PREP: variants seen among roughly 807,000 people sequenced by gnomAD.
The protein encoded by PREP is prolyl endopeptidase.
PREP carries 29 observed loss-of-function variants against 87.6 expected under a neutral mutation model. That is an observed-to-expected ratio of 0.33 (90% CI 0.25 to 0.45). The LOEUF is 0.45. PREP is among the 20% of genes least tolerant of loss of function. The probability of loss-of-function intolerance (pLI) is 1.00; values close to 1 mark genes in which losing one functional copy is unlikely to be tolerated. For missense variants in PREP, 695 were observed against 886.5 expected, an observed-to-expected ratio of 0.78 and a Z score of 2.74; for synonymous variants, 337 against 328.6, an observed-to-expected ratio of 1.03 and a Z score of -0.28.
chr6:105,291,570 A>G (rs978424012), intron 10 of PREP, among the ~76,000 whole-genome samples: 1 of 152,180 alleles, frequency 6.6e-6, no homozygotes, highest in African/African-American at 2.4e-5. Context: ...CCCAGCTTAC[A>G]TCTTTCTCCC....
chr6:105,361,682 G>A (rs933774073), intron 6 of PREP, among the ~76,000 whole-genome samples: 7 of 152,116 alleles, frequency 4.6e-5, no homozygotes, highest in African/African-American at 1.7e-4. Flanking sequence ...CAGAGCAGGA[G>A]ACTTTATCAA....
chr6:105,285,905 A>T (rs1157009707), intron 11 of PREP, among the ~76,000 whole-genome samples: 1 of 152,156 alleles, frequency 6.6e-6, no homozygotes, highest in Admixed American at 6.5e-5. Context: ...CCTCCTGAGT[A>T]GCTGGAATTA....
intron 7 of PREP, among the ~76,000 whole-genome samples, chr6:105,335,766 G>A (rs1304113195): frequency 6.6e-6 from 1 of 152,030 alleles, no homozygotes; most frequent in Admixed American, 6.6e-5. Context: ...GGTGGTGGGC[G>A]CCTGTAATCC....
intron 2 of PREP, among the ~76,000 whole-genome samples, chr6:105,382,769 A>C (rs1772881370): frequency 6.6e-6 from 1 of 152,150 alleles, no homozygotes; most frequent in African/African-American, 2.4e-5. Context: ...ACCAGGAGGG[A>C]CTTCCAGGTA....
intron 5 of PREP, 30 bp from the exon 6 acceptor site, chr6:105,369,054 G>C (rs772337636): frequency 1.2e-6 from 2 of 1,606,896 alleles, no homozygotes; most frequent in South Asian, 2.2e-5. Context: ...ACACTGAAAT[G>C]TACTTGATAA....
Position 105,368,960 on chromosome 6 carries a change from T to C in PREP, c.660A>G (p.Ser220=). The C allele has an allele frequency of 1.9e-6, 3 of 1,614,082 alleles. No homozygotes were observed. The highest frequency in any genetic ancestry group is 2.5e-6 in the Non-Finnish European group (3 of 1,179,968). Residue 220 remains serine, a synonymous_variant, in exon 6 of 15, where the codon TCA becomes TCG. Transcript: ENST00000652536. ...GAAACTCAGCACACAAAATATCTTCTGACTGATCGGTTCCCAAGACATGGT... is the reference window on the plus strand; with the variant it reads ...GAAACTCAGCACACAAAATATCTTCCGACTGATCGGTTCCCAAGACATGGT... ...LYYHVLGTDQ[S]EDILCAEFPD...
chr6:105,352,971 C>A lies in PREP; in HGVS notation c.823+1G>T. The A allele has an allele frequency of 6.2e-7, 1 of 1,610,134 alleles. No individual in the cohort carries two copies. Among genetic ancestry groups the A allele is most frequent in the Non-Finnish European group, 8.5e-7 (1 of 1,176,590 alleles). On this transcript the variant is annotated splice_donor_variant, in intron 7 of 14. Transcript: ENST00000652536. LOFTEE classifies it high-confidence loss of function. ...TATCTGTGTCTGAAAAAATAACTCACCCGCGATGCCACTGGATTCCTGCTG... is the reference window on the plus strand; with the variant it reads ...TATCTGTGTCTGAAAAAATAACTCAACCGCGATGCCACTGGATTCCTGCTG...
chr6:105,346,880 C>G (rs1014959825), intron 7 of PREP, among the ~76,000 whole-genome samples: 9 of 152,178 alleles, frequency 5.9e-5, no homozygotes, highest in Non-Finnish European at 1.0e-4. Context: ...GCAGACGGAT[C>G]ACCTGAGGTC....
chr6:105,282,733 A>G (rs1770110410), intron 12 of PREP, 151 bp from the exon 13 acceptor site: 2 of 816,046 alleles, frequency 2.5e-6, no homozygotes, highest in Non-Finnish European at 3.7e-6. Context: ...GCCTCAATTT[A>G]AGTTCTGTTA....
intron 10 of PREP, chr6:105,322,779 A>G (rs1771046581): frequency 9.5e-7 from 1 of 1,051,528 alleles, no homozygotes; most frequent in Non-Finnish European, 1.2e-6. Flanking sequence ...CACCTGTTTT[A>G]GTAAACAAAG....
intron 5 of PREP, among the ~76,000 whole-genome samples, chr6:105,371,409 G>A (rs1027119009): frequency 1.5e-4 from 22 of 143,992 alleles, no homozygotes; most frequent in African/African-American, 5.7e-4. Context: ...GCTGAGGCAG[G>A]AGAATCACTT....
intron 7 of PREP, among the ~76,000 whole-genome samples, chr6:105,352,040 T>C (rs1247616416): frequency 6.6e-6 from 1 of 152,172 alleles, no homozygotes; most frequent in Admixed American, 6.5e-5. Flanking sequence ...AGACAAATAT[T>C]TTCGTATCAC....
At chr6:105,319,712 A>G (rs1301159802) in intron 10 of PREP, among the ~76,000 whole-genome samples, 1 of 152,200 alleles carries the variant, frequency 6.6e-6, no homozygotes, top group African/African-American at 2.4e-5. Flanking sequence ...GCATTAAAAA[A>G]CACCCATTCC....
At chr6:105,377,272 T>C (rs920354297) in intron 3 of PREP, 114 bp downstream of exon 3, 1 of 1,215,234 alleles carries the variant, frequency 8.2e-7, no homozygotes, top group African/African-American at 1.5e-5. Context: ...AGAAATTAAT[T>C]CCTTATAATG....
intron 10 of PREP, among the ~76,000 whole-genome samples, chr6:105,301,556 T>C (rs988486713): frequency 2.6e-5 from 4 of 152,228 alleles, no homozygotes; most frequent in Admixed American, 2.0e-4. Context: ...ATCTTGTCTA[T>C]GTTCCAGGCA....
intron 10 of PREP, among the ~76,000 whole-genome samples, chr6:105,304,334 T>C (rs978266608): frequency 5.9e-5 from 9 of 152,232 alleles, no homozygotes; most frequent in Non-Finnish European, 7.3e-5. Context: ...CAGGGTGTCC[T>C]GGAACCAATC....
intron 2 of PREP, among the ~76,000 whole-genome samples, chr6:105,394,753 G>A (rs9486075): frequency 1.4e-3 from 218 of 152,294 alleles, no homozygotes; most frequent in African/African-American, 5.1e-3. Flanking sequence ...ACTCCAGCCT[G>A]GGCAACAGCA....
chr6:105,359,151 G>A (rs980305973), intron 6 of PREP, among the ~76,000 whole-genome samples: 1 of 152,158 alleles, frequency 6.6e-6, no homozygotes, highest in Non-Finnish European at 1.5e-5. Context: ...TTTATCAAGA[G>A]TCTACCAAGT....
chr6:105,335,889 C>T (rs747527682), intron 7 of PREP, among the ~76,000 whole-genome samples: 26 of 151,412 alleles, frequency 1.7e-4, no homozygotes, highest in Non-Finnish European at 2.4e-4. Context: ...AGTGAGACTC[C>T]GTCTCAAAAA....
Sources: gnomAD v4.1 joint callset for allele counts (sites outside exome capture counted in the v4.1 genomes callset) on GRCh38, gnomAD v4.1.1 for gene constraint, MANE v1.5 for transcripts, NCBI Gene and HGNC (gene_info 2026-07-23, HGNC 2026-07-21) for gene names.